Variants in CRB1 observed in about 807,000 individuals in gnomAD.
CRB1 encodes protein crumbs homolog 1.
In CRB1, 83 loss-of-function variants were observed where a neutral mutation model predicts 120.0. The ratio of observed to expected loss-of-function variants is 0.69; its 90% confidence interval spans 0.58 to 0.83. The LOEUF (loss-of-function observed/expected upper bound fraction) is 0.83. CRB1 is among the 40% of genes least tolerant of loss of function. The pLI is 0.00. For missense variants in CRB1, 1,699 were observed against 1,687.6 expected, an observed-to-expected ratio of 1.01 and a Z score of -0.12; for synonymous variants, 625 against 612.5, an observed-to-expected ratio of 1.02 and a Z score of -0.30.
chr1:197,252,582 A>ATGTGTGTG, the CRB1 span, among the ~76,000 whole-genome samples: 657 of 15,434 alleles, frequency 0.043, 35 homozygotes, highest in Middle Eastern at 0.17. Flanking sequence ...ATATATATAT[A>ATGTGTGTG]TGTGTGTGTG....
intron 1 of CRB1, among the ~76,000 whole-genome samples, chr1:197,285,380 T>C (rs2125227268): frequency 6.6e-6 from 1 of 151,918 alleles, no homozygotes; most frequent in African/African-American, 2.4e-5. Context: ...CCTTGCCCTT[T>C]AGAGAAAAAT....
In CRB1 at chr1:197,421,972, G is replaced by A. The variant is rs761206587; in HGVS notation, c.2128+16G>A. On this transcript the variant is annotated intron_variant, in intron 6 of 11. Transcript: ENST00000367400. ...TGTCTGAGAGGTGAGAGAAAGCTGA[G>A]TGCTATGGCTAGGAGTGCCATGCCT... 1 of 1,611,678 alleles carries A rather than the reference G, an allele frequency of 6.2e-7. No homozygotes were observed. Among genetic ancestry groups the A allele is most frequent in the Non-Finnish European group, 8.5e-7 (1 of 1,179,408 alleles).
At chr1:197,349,742 G>C (rs1571881896) in intron 4 of CRB1, among the ~76,000 whole-genome samples, 1 of 152,194 alleles carries the variant, frequency 6.6e-6, no homozygotes, top group African/African-American at 2.4e-5. Flanking sequence ...TATATGTTAT[G>C]TCTTCCCACT....
chr1:197,322,279 G>A (rs1302428497), intron 1 of CRB1, among the ~76,000 whole-genome samples: 1 of 151,870 alleles, frequency 6.6e-6, no homozygotes, highest in East Asian at 1.9e-4. Context: ...CCAGGAGTTC[G>A]AGACAAGCCC....
the CRB1 span, among the ~76,000 whole-genome samples, chr1:197,259,076 G>A: frequency 6.6e-6 from 1 of 152,176 alleles, no homozygotes; most frequent in Non-Finnish European, 1.5e-5. Flanking sequence ...TTACACTGTT[G>A]GTGGGAATGC....
chr1:197,325,906 C>A (rs1469940251), intron 1 of CRB1, among the ~76,000 whole-genome samples: 1 of 152,020 alleles, frequency 6.6e-6, no homozygotes, highest in East Asian at 1.9e-4. Flanking sequence ...CTTCTGCTGA[C>A]AAAGGATACA....
At position 197,434,931 on chromosome 1, in the gene CRB1, TG is replaced by T; in HGVS notation, c.3069del (p.Thr1024GlnfsTer6). ...GGCAACAGCTTTTATATGCTAAGTC[TG>T]ACAAGTTTGCAGTCAGTGAATGATG... ...QSGNSFYMLS[L>X]TSLQSVNDGT... On this transcript the variant is annotated frameshift_variant, in exon 9 of 12. Coordinates refer to ENST00000367400, the MANE Select transcript of CRB1 (RefSeq NM_201253.3). LOFTEE classifies it high-confidence loss of function. The T allele has an allele frequency of 3.1e-6, 5 of 1,613,936 alleles. No individual in the cohort carries two copies. The highest frequency in any genetic ancestry group is 4.2e-6 in the Non-Finnish European group (5 of 1,179,878).
At chr1:197,276,555 T>C (rs1295621081) in intron 1 of CRB1, among the ~76,000 whole-genome samples, 1 of 151,716 alleles carries the variant, frequency 6.6e-6, no homozygotes, top group Non-Finnish European at 1.5e-5. Flanking sequence ...AATAAGTAAA[T>C]TATGTAATTG....
intron 8 of CRB1, among the ~76,000 whole-genome samples, chr1:197,432,104 G>A (rs543915522): frequency 7.9e-5 from 12 of 151,970 alleles, no homozygotes; most frequent in African/African-American, 2.9e-4. Context: ...GCTTATTATG[G>A]TAAAGTTCCC....
At chr1:197,266,586 A>G (rs1374640686), upstream of CRB1, among the ~76,000 whole-genome samples, 1 of 152,156 alleles carries the variant, frequency 6.6e-6, no homozygotes, top group Non-Finnish European at 1.5e-5. Flanking sequence ...TGACTAGCCC[A>G]AATCTGACAC....
Position 197,427,986 on chromosome 1 carries a change from A to G in CRB1, c.2661A>G (p.Gly887=). The part of the protein sequence containing the change: ...VLVNVTQGCA[G]DNSCKSNPCH... Reference sequence around the variant, plus strand: ...TCAATGTAACCCAAGGCTGTGCTGGAGACAACAGCTGCAAGGTAATGATTA... The same window carrying G: ...TCAATGTAACCCAAGGCTGTGCTGGGGACAACAGCTGCAAGGTAATGATTA... The change falls in exon 7 of 12, where the codon GGA becomes GGG. Residue 887 remains glycine, a synonymous_variant. Transcript: ENST00000367400. The G allele has an allele frequency of 6.2e-7, 1 of 1,613,778 alleles. No homozygotes were observed. Among genetic ancestry groups the G allele is most frequent in the African/African-American group, 1.3e-5 (1 of 75,038 alleles).
At chr1:197,369,175 T>C (rs1047309866) in intron 5 of CRB1, among the ~76,000 whole-genome samples, 9 of 152,086 alleles carry the variant, frequency 5.9e-5, no homozygotes, top group Non-Finnish European at 1.0e-4. Flanking sequence ...CTACCCAAGA[T>C]CCCAAAATGT....
intron 1 of CRB1, among the ~76,000 whole-genome samples, chr1:197,319,282 G>A (rs1571831229): frequency 1.3e-4 from 5 of 38,128 alleles, no homozygotes; most frequent in East Asian, 2.6e-3. Flanking sequence ...AAAAAAATTA[G>A]CCGGACGTGG....
intron 5 of CRB1, among the ~76,000 whole-genome samples, chr1:197,368,388 C>T (rs563041304): frequency 5.6e-4 from 85 of 152,262 alleles, no homozygotes; most frequent in African/African-American, 1.9e-3. Flanking sequence ...CTTTACCATG[C>T]ATGTTAATTT....
At chr1:197,344,610 A>G in intron 3 of CRB1, 134 bp downstream of exon 3, 2 of 786,468 alleles carry the variant, frequency 2.5e-6, no homozygotes, top group South Asian at 1.5e-5. Context: ...TAACTGATGA[A>G]AACATTCAGA....
the CRB1 span, among the ~76,000 whole-genome samples, chr1:197,234,716 G>A: frequency 6.6e-6 from 1 of 152,308 alleles, no homozygotes; most frequent in East Asian, 1.9e-4. Context: ...GAAGCCATGT[G>A]GGCAAGGACA....
chr1:197,446,057 G>A (rs1665683125), intron 11 of CRB1, among the ~76,000 whole-genome samples: 1 of 152,088 alleles, frequency 6.6e-6, no homozygotes, highest in South Asian at 2.1e-4. Context: ...GGGCATGGTG[G>A]CGCATGCCTG....
chr1:197,371,879 C>A (rs1350551626), intron 5 of CRB1, among the ~76,000 whole-genome samples: 1 of 152,088 alleles, frequency 6.6e-6, no homozygotes, highest in African/African-American at 2.4e-5. Flanking sequence ...GCTGCAAAAC[C>A]AACCCCAAGA....
At chr1:197,250,253 C>A in the CRB1 span, among the ~76,000 whole-genome samples, 4 of 151,832 alleles carry the variant, frequency 2.6e-5, no homozygotes, top group Non-Finnish European at 4.4e-5. Context: ...AAAATCTTTT[C>A]AAAACCCTTT....
Sources: gnomAD v4.1 joint callset for allele counts (sites outside exome capture counted in the v4.1 genomes callset) on GRCh38, gnomAD v4.1.1 for gene constraint, MANE v1.5 for transcripts, NCBI Gene and HGNC (gene_info 2026-07-23, HGNC 2026-07-21) for gene names.